The following F7 variants were observed in gnomAD, a reference collection of about 807,000 sequenced individuals.
F7 encodes the protein FVII coagulation protein.
A neutral mutation model predicts 47.5 loss-of-function variants in F7; 38 were observed. The ratio of observed to expected loss-of-function variants is 0.80; its 90% CI spans 0.62 to 1.05. F7 has a LOEUF of 1.05. Among genes scored for constraint, F7 ranks in the 50% least tolerant of loss-of-function variants. F7 has a pLI of 0.00. For synonymous variants in F7, 244 were observed against 258.5 expected, an observed-to-expected ratio of 0.94 and a Z score of 0.54; for missense variants, 575 against 605.4, an observed-to-expected ratio of 0.95 and a Z score of 0.53.
At chr13:113,117,948 C>A (rs1161400933) in intron 7 of F7, among the ~76,000 whole-genome samples, 1 of 152,222 alleles carries the variant, frequency 6.6e-6, no homozygotes, top group African/African-American at 2.4e-5. Context: ...CTTTCCCATG[C>A]CCAAATAAAA....
At chr13:113,107,158 C>T (rs868791755) in intron 1 of F7, among the ~76,000 whole-genome samples, 2 of 152,096 alleles carry the variant, frequency 1.3e-5, no homozygotes, top group Admixed American at 6.5e-5. Flanking sequence ...ATCAGGTTTT[C>T]CTCAGTTCTT....
intron 6 of F7, 175 bp downstream of exon 6, chr13:113,117,050 G>T: frequency 4.3e-6 from 3 of 690,228 alleles, no homozygotes; most frequent in Non-Finnish European, 2.6e-6. Context: ...GTGGGGCAAG[G>T]AAGGAGAAAA....
intron 4 of F7, among the ~76,000 whole-genome samples, chr13:113,114,332 G>GTT (rs36209225): frequency 1.5e-5 from 1 of 66,898 alleles, no homozygotes; most frequent in Non-Finnish European, 4.9e-5. Flanking sequence ...TGAGGGGTTT[G>GTT]TTTTTTTTTT....
chr13:113,120,258 G>C lies in F7; in HGVS notation c.*1250G>C, dbSNP rs2036280821. 6.6e-6 allele frequency: 1 copy of C among 152,224 alleles called. No individual in the cohort carries two copies. The allele number at this position is 152,224 out of a possible 1,614,324, so 9.4% of individuals were successfully genotyped here. A position where few individuals can be genotyped will look rare whatever the true frequency, so the allele number is the denominator to read the frequency against. On this transcript the variant is annotated 3_prime_UTR_variant, in exon 8 of 8. Coordinates refer to ENST00000346342, the MANE Select transcript of F7 (RefSeq NM_019616.4). Reference sequence around the variant, plus strand: ...GTCAATGATATTTCACAGAGACCCTGGGAGCACCTGCTCAAGAGTCAGGGA... The same window carrying C: ...GTCAATGATATTTCACAGAGACCCTCGGAGCACCTGCTCAAGAGTCAGGGA...
intron 1 of F7, 133 bp from the exon 2 acceptor site, chr13:113,110,557 C>G (rs2036071079): frequency 6.3e-6 from 8 of 1,271,662 alleles, no homozygotes; most frequent in South Asian, 5.5e-5. Flanking sequence ...CAGCCAGGCC[C>G]GCGAGCAGCG....
chr13:113,113,603 C>A lies in F7; in HGVS notation c.226-149C>A. On this transcript the variant is annotated intron_variant, in intron 2 of 7. Transcript: ENST00000346342. This position sits in a 1 kb window ranked among gnomAD's most constrained non-coding sequence, Gnocchi z 4.1. ...GGCCAAGATTAGAAGAAACCTACCTCAGCTCCAGAGGAAAGTCTGGCTTCC... is the reference window on the plus strand; with the variant it reads ...GGCCAAGATTAGAAGAAACCTACCTAAGCTCCAGAGGAAAGTCTGGCTTCC... 1 of 794,042 alleles carries A rather than the reference C, an allele frequency of 1.3e-6. No individual in the cohort carries two copies. The highest frequency in any genetic ancestry group is 2.2e-6 in the Non-Finnish European group (1 of 449,872). The allele number at this position is 794,042 out of a possible 1,614,324, so 49.2% of individuals were successfully genotyped here.
In F7 at chr13:113,119,140, CAGAGACAGAAACAGAG is replaced by C. The variant is rs2036255940; in HGVS notation, c.*142_*157del. The C allele has an allele frequency of 1.2e-5, 9 of 752,286 alleles. No individual in the cohort carries two copies. The highest frequency in any genetic ancestry group is 3.7e-4 in the Middle Eastern group (1 of 2,692). The allele number at this position is 752,286 out of a possible 1,614,324, so 46.6% of individuals were successfully genotyped here. On this transcript the variant is annotated 3_prime_UTR_variant, in exon 8 of 8. Coordinates refer to ENST00000346342, the MANE Select transcript of F7 (RefSeq NM_019616.4). ...AGGGAGGGAGAGGTGGGGAGGGAGA[CAGAGACAGAAACAGAG>C]AGAGACAGAGACAGAGAGAGACTGA... is the stretch of plus-strand genomic sequence containing the variant.
At chr13:113,115,526 AG>A (rs1380309668) in intron 4 of F7, 133 bp from the exon 5 acceptor site, 1 of 950,812 alleles carries the variant, frequency 1.1e-6, no homozygotes, top group Non-Finnish European at 1.6e-6. Context: ...TGCCAAGCTC[AG>A]GCTCTGTCAC....
At chr13:113,117,015 A>T in intron 6 of F7, 140 bp downstream of exon 6, 1 of 736,496 alleles carries the variant, frequency 1.4e-6, no homozygotes, top group South Asian at 1.5e-5. Flanking sequence ...TAGCACCTCC[A>T]GCTCGCGGCA....
rs200316840 is a variant in F7 at position 113,118,519 on chromosome 13, G to C, written c.846G>C (p.Ala282=). 21 of 1,611,650 alleles carry C rather than the reference G, an allele frequency of 1.3e-5. No homozygotes were observed. In the East Asian group the frequency reaches 4.0e-4, roughly 31 times the overall value. Residue 282 remains alanine, a synonymous_variant, in exon 8 of 8, where the codon GCG becomes GCC. Transcript: ENST00000346342. ...CGGGCACCACCAACCACGACATCGC[G>C]CTGCTCCGCCTGCACCAGCCCGTGG... is the stretch of plus-strand genomic sequence containing the variant. ...YVPGTTNHDI[A]LLRLHQPVVL...
intron 1 of F7, among the ~76,000 whole-genome samples, chr13:113,107,448 A>T (rs373779602): frequency 1.3e-4 from 1 of 7,436 alleles, no homozygotes; most frequent in Non-Finnish European, 2.5e-4. Context: ...CCCGGAGGCG[A>T]GGGTGTCCCG....
chr13:113,106,897 G>A (rs780290098), intron 1 of F7: 35 of 1,605,314 alleles, frequency 2.2e-5, no homozygotes, highest in East Asian at 2.0e-4. Flanking sequence ...CGTGGAAGCC[G>A]GGGCCTCACA....
At chr13:113,115,359 G>T (rs902146543) in intron 4 of F7, among the ~76,000 whole-genome samples, 1 of 152,168 alleles carries the variant, frequency 6.6e-6, no homozygotes, top group Non-Finnish European at 1.5e-5. Flanking sequence ...CCCATCAGCT[G>T]CTCGGAAGAG....
intron 1 of F7, chr13:113,110,335 T>A (rs498187): frequency 3.2e-5 from 8 of 248,736 alleles, no homozygotes; most frequent in Non-Finnish European, 6.1e-5. Flanking sequence ...CCCCAGGGGG[T>A]TGCCCGGCAC....
chr13:113,118,712 G>A lies in F7; in HGVS notation c.1039G>A (p.Asp347Asn), dbSNP rs945791616. 6.2e-7 allele frequency: 1 copy of A among 1,613,000 alleles called. No homozygotes were observed. Among genetic ancestry groups the A allele is most frequent in the Non-Finnish European group, 8.5e-7 (1 of 1,179,966 alleles). ...CAACGTGCCCCGGCTGATGACCCAG[G>A]ACTGCCTGCAGCAGTCACGGAAGGT... ...VLNVPRLMTQ[D>N]CLQQSRKVGD... Residue 347 changes from aspartate (D) to asparagine (N), a missense_variant, in exon 8 of 8, where the codon GAC (aspartate) becomes AAC (asparagine). Coordinates refer to ENST00000346342, the MANE Select transcript of F7 (RefSeq NM_019616.4).
intron 1 of F7, 79 bp from the exon 2 acceptor site, chr13:113,110,611 G>A: frequency 6.5e-7 from 1 of 1,531,758 alleles, no homozygotes; most frequent in Non-Finnish European, 8.8e-7. Context: ...CGATGCCCCC[G>A]CCGCGTGGGC....
intron 1 of F7, 116 bp from the exon 2 acceptor site, chr13:113,110,574 C>G: frequency 7.1e-7 from 1 of 1,408,308 alleles, no homozygotes; most frequent in East Asian, 2.5e-5. Context: ...AGCGCCGCTC[C>G]CCTCCTCCAG....
At chr13:113,115,585 G>A in intron 4 of F7, 75 bp from the exon 5 acceptor site, 3 of 1,548,180 alleles carry the variant, frequency 1.9e-6, no homozygotes, top group Non-Finnish European at 1.8e-6. Context: ...GCTGACCCAG[G>A]GCATGGCCAC....
chr13:113,107,637 G>C (rs1228183494), intron 1 of F7, among the ~76,000 whole-genome samples: 1 of 13,158 alleles, frequency 7.6e-5, no homozygotes, highest in African/African-American at 2.2e-4. Context: ...CGGGAGTGTG[G>C]GTGTCCCGGG....
Sources: allele counts gnomAD v4.1 joint callset (sites outside exome capture counted in the v4.1 genomes callset), GRCh38; gene constraint gnomAD v4.1.1; non-coding constraint Gnocchi (gnomAD v3.1); transcripts MANE v1.5; gene names NCBI Gene and HGNC (gene_info 2026-07-23, HGNC 2026-07-21).